HPSE2: variants seen among roughly 807,000 people sequenced by gnomAD.
The protein encoded by HPSE2 is inactive heparanase-2.
Under a neutral mutation model 60.5 loss-of-function variants are expected in HPSE2, and 38 were observed. The observed-to-expected ratio is 0.63, with a 90% CI of 0.48 to 0.82. HPSE2 has a LOEUF of 0.82. Among genes scored for constraint, HPSE2 ranks in the 40% least tolerant of loss-of-function variants. HPSE2 has a pLI of 0.00. For synonymous variants in HPSE2, 295 were observed against 293.2 expected, an observed-to-expected ratio of 1.01 and a Z score of -0.06; for missense variants, 713 against 740.4, an observed-to-expected ratio of 0.96 and a Z score of 0.43.
chr10:98,879,621 T>C (rs934199315), intron 3 of HPSE2, among the ~76,000 whole-genome samples: 4 of 152,078 alleles, frequency 2.6e-5, no homozygotes, highest in African/African-American at 4.8e-5. Context: ...CATTCTCTTA[T>C]TGGAGCAGGC....
Position 98,459,548 on chromosome 10 carries a change from C to A in HPSE2, c.*26G>T. On this transcript the variant is annotated 3_prime_UTR_variant, in exon 12 of 12. Transcript: ENST00000370552. ...GAGTGGAAGCAGCCCAGCAGGCCCACTGGTAGCCGTGAGTGTGAGGATAGC... is the reference window on the plus strand; with the variant it reads ...GAGTGGAAGCAGCCCAGCAGGCCCAATGGTAGCCGTGAGTGTGAGGATAGC... 1.2e-6 allele frequency: 2 copies of A among 1,613,742 alleles called. No individual in the cohort carries two copies. Among genetic ancestry groups the A allele is most frequent in the Non-Finnish European group, 1.7e-6 (2 of 1,179,686 alleles).
At chr10:99,312,819 G>T in the HPSE2 span, among the ~76,000 whole-genome samples, 2 of 152,220 alleles carry the variant, frequency 1.3e-5, no homozygotes, top group African/African-American at 4.8e-5. Context: ...TTCTGCAAAA[G>T]ATTCATTATT....
intron 3 of HPSE2, among the ~76,000 whole-genome samples, chr10:99,064,846 C>T (rs1462050503): frequency 6.6e-6 from 1 of 151,746 alleles, no homozygotes; most frequent in Non-Finnish European, 1.5e-5. Context: ...TTCAAGCTTC[C>T]TATGCTTGAC....
chr10:99,085,405 T>G (rs956401198), intron 3 of HPSE2, among the ~76,000 whole-genome samples: 1 of 152,234 alleles, frequency 6.6e-6, no homozygotes, highest in Non-Finnish European at 1.5e-5. Flanking sequence ...GCTTTAAATC[T>G]ACATCATCTC....
At chr10:98,597,242 C>G (rs868362004) in intron 9 of HPSE2, among the ~76,000 whole-genome samples, 3 of 152,132 alleles carry the variant, frequency 2.0e-5, no homozygotes, top group Non-Finnish European at 4.4e-5. Context: ...TATCAGAGAC[C>G]TTTGGCCTTC....
At position 98,514,948 on chromosome 10, in the gene HPSE2, T is replaced by C. The variant is rs1024132418; in HGVS notation, c.1321-24752A>G. Among the ~76,000 whole-genome samples the C allele has an allele frequency of 3.0e-4, 45 of 151,902 alleles. 1 individual carries two copies. ...CATGTTGGCCAGACTGGTCTCGAGC[T>C]CCTGACCTCAGGCAATCCGCCCGCC... On this transcript the variant is annotated intron_variant, in intron 9 of 11. Transcript: ENST00000370552.
chr10:98,947,965 T>C lies in HPSE2; in HGVS notation c.610+196273A>G, dbSNP rs572761957. On this transcript the variant is annotated intron_variant, in intron 3 of 11. Coordinates refer to ENST00000370552, the MANE Select transcript of HPSE2 (RefSeq NM_021828.5). ...CCCCATGGATTCAACACTGAAGTCA[T>C]CAAAGTGGCCTACGTGTCCCCAAAC... Among the ~76,000 whole-genome samples the C allele has an allele frequency of 3.9e-5, 6 of 152,154 alleles. No individual in the cohort carries two copies. The South Asian group carries it at 1.3e-3, about 32-fold the overall frequency.
At chr10:98,883,325 A>G (rs565430156) in intron 3 of HPSE2, among the ~76,000 whole-genome samples, 1 of 152,292 alleles carries the variant, frequency 6.6e-6, no homozygotes, top group East Asian at 1.9e-4. Context: ...CATATGGAAA[A>G]TATGGTTAGC....
chr10:98,482,533 C>G (rs986667638), intron 11 of HPSE2, 103 bp downstream of exon 11: 1 of 1,427,926 alleles, frequency 7.0e-7, no homozygotes, highest in Non-Finnish European at 9.9e-7. Context: ...CTCCATCCCA[C>G]TGAGCCCTTG....
chr10:98,709,276 G>A (rs777931163), intron 5 of HPSE2, among the ~76,000 whole-genome samples: 3 of 152,204 alleles, frequency 2.0e-5, no homozygotes, highest in Non-Finnish European at 2.9e-5. Flanking sequence ...TCCACTGGGA[G>A]AGTGAAATTC....
At chr10:99,166,404 A>T (rs752774100) in intron 2 of HPSE2, among the ~76,000 whole-genome samples, 106 of 152,314 alleles carry the variant, frequency 7.0e-4, no homozygotes, top group Non-Finnish European at 1.4e-3. Context: ...GAATGGCTGT[A>T]TTATTTTGCA....
At chr10:98,480,707 A>C (rs528393802) in intron 11 of HPSE2, among the ~76,000 whole-genome samples, 53 of 152,340 alleles carry the variant, frequency 3.5e-4, no homozygotes, top group African/African-American at 1.2e-3. Flanking sequence ...AATTCTTAGC[A>C]TGACTTTTTA....
intron 3 of HPSE2, among the ~76,000 whole-genome samples, chr10:99,079,256 C>G (rs117533631): frequency 0.011 from 1,731 of 152,220 alleles, 22 homozygotes; most frequent in Non-Finnish European, 0.02. Flanking sequence ...TGATCCAGCT[C>G]TTTCCCTCCC....
intron 3 of HPSE2, among the ~76,000 whole-genome samples, chr10:98,774,810 C>T (rs1950306567): frequency 6.6e-6 from 1 of 152,186 alleles, no homozygotes; most frequent in African/African-American, 2.4e-5. Flanking sequence ...AGGCTTTTCC[C>T]TTTCCTCTTG....
chr10:99,160,897 T>C (rs1372797261), intron 2 of HPSE2, among the ~76,000 whole-genome samples: 1 of 23,612 alleles, frequency 4.2e-5, no homozygotes. Context: ...AGACTCCGTC[T>C]CAAAAAAAAA....
chr10:98,882,973 G>A (rs1222907697), intron 3 of HPSE2, among the ~76,000 whole-genome samples: 1 of 152,046 alleles, frequency 6.6e-6, no homozygotes, highest in African/African-American at 2.4e-5. Flanking sequence ...GCCGAAGATT[G>A]TATACTTTAT....
the HPSE2 span, among the ~76,000 whole-genome samples, chr10:99,241,919 G>T: frequency 6.6e-6 from 1 of 152,180 alleles, no homozygotes; most frequent in Non-Finnish European, 1.5e-5. Context: ...AACAAAAGGT[G>T]AACTCTATCT....
At chr10:98,952,658 CAG>C (rs1441451148) in intron 3 of HPSE2, among the ~76,000 whole-genome samples, 9 of 152,074 alleles carry the variant, frequency 5.9e-5, no homozygotes, top group Non-Finnish European at 7.4e-5. Flanking sequence ...GTTTAAACAA[CAG>C]AAATTATTTT....
At position 99,164,511 on chromosome 10, in the gene HPSE2, G is replaced by C. The variant is rs146252492; in HGVS notation, c.449-20112C>G. On this transcript the variant is annotated intron_variant, in intron 2 of 11. Transcript: ENST00000370552. Reference sequence around the variant, plus strand: ...ATCATCCACTCCTCTAACAAAACCTGGTTCCTTTTGTTGGAGAATAATATT... The same window carrying C: ...ATCATCCACTCCTCTAACAAAACCTCGTTCCTTTTGTTGGAGAATAATATT... Among the ~76,000 whole-genome samples the C allele has an allele frequency of 6.4e-4, 97 of 151,238 alleles. No homozygotes were observed. The East Asian group carries it at 0.017, about 27-fold the overall frequency.
Sources: gnomAD v4.1 joint callset for allele counts (sites outside exome capture counted in the v4.1 genomes callset) on GRCh38, gnomAD v4.1.1 for gene constraint, MANE v1.5 for transcripts, NCBI Gene and HGNC (gene_info 2026-07-23, HGNC 2026-07-21) for gene names.